Variants in KLHL1 observed in about 807,000 individuals in gnomAD.
KLHL1 encodes kelch-like protein 1.
KLHL1 carries 47 observed loss-of-function variants against 77.7 expected under a neutral mutation model. The observed-to-expected ratio is 0.60, with a 90% confidence interval of 0.48 to 0.77. The LOEUF (loss-of-function observed/expected upper bound fraction) is 0.77, where lower values mean the gene tolerates loss of function less well. Ranked by LOEUF, KLHL1 falls within the 30% of genes least tolerant of loss-of-function variation. KLHL1 has a pLI of 0.00. For synonymous variants in KLHL1, 360 were observed against 325.2 expected, an observed-to-expected ratio of 1.11 and a Z score of -1.15; for missense variants, 925 against 910.8, an observed-to-expected ratio of 1.02 and a Z score of -0.20.
At chr13:69,824,070 G>A (rs891905317) in intron 6 of KLHL1, among the ~76,000 whole-genome samples, 1 of 151,910 alleles carries the variant, frequency 6.6e-6, no homozygotes, top group Non-Finnish European at 1.5e-5. Context: ...AGTGCTGCAT[G>A]TTCATAGAAG....
rs138837483 is a variant in KLHL1 at position 69,786,458 on chromosome 13, C to T, written c.1639+10280G>A. ...AAGGCCTTTGACAAAATTCAACAACCCTTCATGCTAAAAACTCTCAATAAA... is the reference window on the plus strand; with the variant it reads ...AAGGCCTTTGACAAAATTCAACAACTCTTCATGCTAAAAACTCTCAATAAA... On this transcript the variant is annotated intron_variant, in intron 7 of 10. Coordinates refer to ENST00000377844, the MANE Select transcript of KLHL1 (RefSeq NM_020866.3). Among the ~76,000 whole-genome samples, 920 of 152,208 alleles carry T rather than the reference C, an allele frequency of 6.0e-3. 8 individuals are homozygous for T. The highest frequency in any genetic ancestry group is 0.02 in the African/African-American group (835 of 41,542).
intron 6 of KLHL1, among the ~76,000 whole-genome samples, chr13:69,815,562 G>T (rs182525369): frequency 7.0e-4 from 107 of 152,248 alleles, no homozygotes; most frequent in Non-Finnish European, 1.1e-3. Context: ...AAACTGGGGA[G>T]GGAGGAAAGT....
At chr13:69,764,514 C>T (rs908580346) in intron 7 of KLHL1, among the ~76,000 whole-genome samples, 3 of 149,530 alleles carry the variant, frequency 2.0e-5, no homozygotes, top group East Asian at 2.0e-4. Context: ...GAATAAAGTC[C>T]TAAATTCATA....
chr13:69,950,471 T>C (rs1459022809), intron 3 of KLHL1, among the ~76,000 whole-genome samples: 1 of 151,608 alleles, frequency 6.6e-6, no homozygotes, highest in Non-Finnish European at 1.5e-5. Context: ...CTGTCCCTAA[T>C]CAACTCCATA....
intron 7 of KLHL1, among the ~76,000 whole-genome samples, chr13:69,757,864 G>C (rs565569003): frequency 6.6e-6 from 1 of 150,994 alleles, no homozygotes; most frequent in Non-Finnish European, 1.5e-5. Flanking sequence ...GGCTGAGGCA[G>C]GAGAATCTCC....
intron 6 of KLHL1, among the ~76,000 whole-genome samples, chr13:69,811,998 G>T (rs1015871414): frequency 2.6e-5 from 4 of 152,014 alleles, no homozygotes; most frequent in Non-Finnish European, 5.9e-5. Flanking sequence ...TGATGTTAGG[G>T]TGTCAATCTT....
At chr13:70,064,741 A>G (rs1016149861) in intron 1 of KLHL1, among the ~76,000 whole-genome samples, 2 of 152,186 alleles carry the variant, frequency 1.3e-5, no homozygotes, top group Non-Finnish European at 2.9e-5. Flanking sequence ...TGCTAATGCT[A>G]ATGTGCCACA....
At chr13:70,062,956 T>A (rs1886925882) in intron 1 of KLHL1, among the ~76,000 whole-genome samples, 1 of 152,192 alleles carries the variant, frequency 6.6e-6, no homozygotes, top group African/African-American at 2.4e-5. Context: ...TTTACCTTAA[T>A]TAAGAATTTT....
chr13:70,061,119 A>G (rs1404120087), intron 1 of KLHL1, among the ~76,000 whole-genome samples: 1 of 152,140 alleles, frequency 6.6e-6, no homozygotes, highest in Non-Finnish European at 1.5e-5. Flanking sequence ...GGTTATCTCC[A>G]TCCCCACCTC....
At chr13:70,087,152 CA>C (rs1293941031) in intron 1 of KLHL1, among the ~76,000 whole-genome samples, 1 of 152,034 alleles carries the variant, frequency 6.6e-6, no homozygotes, top group Non-Finnish European at 1.5e-5. Flanking sequence ...GTGAAAGAAA[CA>C]ACTGGTAACT....
At chr13:70,095,835 C>CA (rs1887776645) in intron 1 of KLHL1, among the ~76,000 whole-genome samples, 1 of 151,902 alleles carries the variant, frequency 6.6e-6, no homozygotes, top group Non-Finnish European at 1.5e-5. Flanking sequence ...CTCCACCCCC[C>CA]CCACCACACT....
intron 1 of KLHL1, among the ~76,000 whole-genome samples, chr13:70,018,288 A>T (rs995674910): frequency 1.3e-5 from 2 of 152,194 alleles, no homozygotes; most frequent in Admixed American, 1.3e-4. Flanking sequence ...TGATAAATGG[A>T]AGATAAAATA....
At chr13:69,720,703 G>A (rs1006227979) in intron 8 of KLHL1, among the ~76,000 whole-genome samples, 1 of 151,722 alleles carries the variant, frequency 6.6e-6, no homozygotes, top group African/African-American at 2.4e-5. Context: ...GTGATTGGAG[G>A]TGAGTTCAGG....
intron 4 of KLHL1, among the ~76,000 whole-genome samples, chr13:69,908,101 G>T (rs1882100008): frequency 1.3e-5 from 2 of 152,000 alleles, no homozygotes; most frequent in South Asian, 4.1e-4. Flanking sequence ...AGAGGAATGA[G>T]CTCTGGAACT....
At chr13:70,007,466 C>T (rs1340229224) in intron 1 of KLHL1, among the ~76,000 whole-genome samples, 1 of 150,638 alleles carries the variant, frequency 6.6e-6, no homozygotes, top group Non-Finnish European at 1.5e-5. Context: ...CACAAGTAAA[C>T]TTATTAAAGT....
intron 5 of KLHL1, 101 bp downstream of exon 5, chr13:69,882,182 A>T: frequency 2.5e-6 from 2 of 802,654 alleles, no homozygotes; most frequent in South Asian, 1.7e-5. Context: ...AAAAGCATTT[A>T]AAAATGTGAA....
At chr13:70,103,923 T>C (rs936334895) in intron 1 of KLHL1, among the ~76,000 whole-genome samples, 2 of 152,088 alleles carry the variant, frequency 1.3e-5, no homozygotes, top group Non-Finnish European at 2.9e-5. Flanking sequence ...GATTTAGAGA[T>C]GCAAATCTGT....
intron 1 of KLHL1, among the ~76,000 whole-genome samples, chr13:70,075,611 G>C (rs1334545610): frequency 2.2e-5 from 1 of 45,860 alleles, no homozygotes; most frequent in Non-Finnish European, 4.3e-5. Context: ...ATATATATAG[G>C]ACTTACATAT....
intron 7 of KLHL1, among the ~76,000 whole-genome samples, chr13:69,780,703 T>TATATATATATATATATATAC (rs1876109482): frequency 1.6e-4 from 2 of 12,256 alleles, no homozygotes; most frequent in Non-Finnish European, 2.6e-4. Flanking sequence ...TATATATATG[T>TATATATATATATATATATAC]ATATATATAT....
Sources: gnomAD v4.1 joint callset for allele counts (sites outside exome capture counted in the v4.1 genomes callset) on GRCh38, gnomAD v4.1.1 for gene constraint, MANE v1.5 for transcripts, NCBI Gene and HGNC (gene_info 2026-07-23, HGNC 2026-07-21) for gene names.